SENP7: variants seen among roughly 807,000 people sequenced by gnomAD.
SENP7 encodes sentrin-specific protease 7.
A neutral mutation model predicts 141.2 loss-of-function variants in SENP7; 64 were observed. That is an observed-to-expected ratio of 0.45 (90% CI 0.37 to 0.56). The LOEUF is 0.56. Among genes scored for constraint, SENP7 ranks in the 20% least tolerant of loss-of-function variants. The pLI, the probability that SENP7 is intolerant of heterozygous loss-of-function variation, is 0.00. For missense variants in SENP7, 1,025 were observed against 1,212.2 expected, an observed-to-expected ratio of 0.85 and a Z score of 2.29; for synonymous variants, 382 against 426.4, an observed-to-expected ratio of 0.90 and a Z score of 1.28.
In SENP7 at chr3:101,393,606, A is replaced by C. The variant is rs141940913; in HGVS notation, c.677+5255T>G. Among the ~76,000 whole-genome samples, 48 of 152,326 alleles carry C rather than the reference A, an allele frequency of 3.2e-4. No individual in the cohort carries two copies. The East Asian group carries it at 4.8e-3, about 15-fold the overall frequency. ...TATGAAAAAATGCTCAACTTCACTA[A>C]TTAGGGAAATATAAATGTCTTAGTC... On this transcript the variant is annotated intron_variant, in intron 6 of 23. Coordinates refer to ENST00000394095, the MANE Select transcript of SENP7 (RefSeq NM_020654.5).
At chr3:101,486,868 A>G (rs1233688980) in intron 3 of SENP7, among the ~76,000 whole-genome samples, 1 of 152,184 alleles carries the variant, frequency 6.6e-6, no homozygotes, top group Non-Finnish European at 1.5e-5. Context: ...CTGCCTTCAG[A>G]AAACTCACCT....
chr3:101,373,715 T>G lies in SENP7; in HGVS notation c.678-1589A>C, dbSNP rs2060241935. On this transcript the variant is annotated intron_variant, in intron 6 of 23. Transcript: ENST00000394095. ...AAATGAGTATTTTCAAAAGGTAATG[T>G]CATATGATTCAAATGCACAACAGTG... Among the ~76,000 whole-genome samples, 3 of 152,208 alleles carry G rather than the reference T, an allele frequency of 2.0e-5. No individual in the cohort carries two copies. In the South Asian group the frequency reaches 6.2e-4, roughly 32 times the overall value.
chr3:101,497,849 C>A (rs1323710032), intron 2 of SENP7, among the ~76,000 whole-genome samples: 2 of 152,204 alleles, frequency 1.3e-5, no homozygotes, highest in Non-Finnish European at 2.9e-5. Flanking sequence ...GTTATCCAGG[C>A]TGGAATGCAG....
chr3:101,365,823 T>C (rs2060023846), intron 9 of SENP7, among the ~76,000 whole-genome samples: 1 of 152,096 alleles, frequency 6.6e-6, no homozygotes, highest in Non-Finnish European at 1.5e-5. Context: ...TACCCTTACC[T>C]TCTAAAGAAT....
chr3:101,383,337 G>A (rs940412663), intron 6 of SENP7, among the ~76,000 whole-genome samples: 18 of 152,320 alleles, frequency 1.2e-4, no homozygotes, highest in South Asian at 6.2e-4. Context: ...CAAAGAGGCC[G>A]GCTGCAGTGG....
At chr3:101,376,332 A>G (rs1438747113) in intron 6 of SENP7, among the ~76,000 whole-genome samples, 1 of 152,206 alleles carries the variant, frequency 6.6e-6, no homozygotes. Context: ...CTGTACACTT[A>G]AAAATGGTTA....
At chr3:101,494,327 T>C (rs1164100384) in intron 2 of SENP7, among the ~76,000 whole-genome samples, 2 of 152,222 alleles carry the variant, frequency 1.3e-5, no homozygotes, top group African/African-American at 4.8e-5. Context: ...TACTTACAGA[T>C]AAAACTCTTA....
At chr3:101,481,305 A>C (rs1433765087) in intron 3 of SENP7, among the ~76,000 whole-genome samples, 1 of 152,232 alleles carries the variant, frequency 6.6e-6, no homozygotes, top group Non-Finnish European at 1.5e-5. Flanking sequence ...TAATTTGGCC[A>C]TAAAAAAGAA....
chr3:101,448,282 G>T (rs2062972955), intron 4 of SENP7, among the ~76,000 whole-genome samples: 3 of 152,006 alleles, frequency 2.0e-5, no homozygotes, highest in Admixed American at 2.0e-4. Flanking sequence ...TGTTTCAAAG[G>T]ACACCATCAA....
chr3:101,438,811 G>A (rs1049952710), intron 4 of SENP7, among the ~76,000 whole-genome samples: 19 of 149,278 alleles, frequency 1.3e-4, no homozygotes, highest in Admixed American at 4.7e-4. Flanking sequence ...AATGAGTATC[G>A]GTCTTTGCCG....
intron 22 of SENP7, 89 bp downstream of exon 22, chr3:101,328,389 A>G (rs2058960451): frequency 1.2e-6 from 1 of 832,596 alleles, no homozygotes; most frequent in Admixed American, 2.1e-5. Context: ...ATAATTCCTG[A>G]TATAGTCTTT....
At chr3:101,477,868 T>C (rs1487439480) in intron 3 of SENP7, among the ~76,000 whole-genome samples, 5 of 143,276 alleles carry the variant, frequency 3.5e-5, no homozygotes, top group African/African-American at 1.0e-4. Flanking sequence ...AAAAAGTTAG[T>C]AGAGAAAAAA....
At chr3:101,362,491 AG>A (rs1392138805) in intron 10 of SENP7, among the ~76,000 whole-genome samples, 3 of 152,158 alleles carry the variant, frequency 2.0e-5, no homozygotes, top group African/African-American at 7.2e-5. Flanking sequence ...TTTTAGATTC[AG>A]GGGGCATATG....
At chr3:101,487,384 G>C (rs1233028534) in intron 3 of SENP7, among the ~76,000 whole-genome samples, 1 of 152,088 alleles carries the variant, frequency 6.6e-6, no homozygotes, top group Non-Finnish European at 1.5e-5. Flanking sequence ...CTTTGTCAGA[G>C]ACAATAGTTT....
chr3:101,351,360 C>T (rs894758215), intron 12 of SENP7, among the ~76,000 whole-genome samples: 8 of 151,628 alleles, frequency 5.3e-5, no homozygotes, highest in Non-Finnish European at 1.0e-4. Flanking sequence ...TTTATATATA[C>T]CAAAATATTG....
chr3:101,366,859 A>G, intron 8 of SENP7, 90 bp from the exon 9 acceptor site: 1 of 746,242 alleles, frequency 1.3e-6, no homozygotes, highest in Non-Finnish European at 2.1e-6. Flanking sequence ...TAAAAATATT[A>G]TATCACTTCT....
intron 7 of SENP7, among the ~76,000 whole-genome samples, chr3:101,368,821 C>T (rs1474542950): frequency 6.6e-6 from 1 of 152,032 alleles, no homozygotes; most frequent in Non-Finnish European, 1.5e-5. Flanking sequence ...TAAACTAAGT[C>T]TTTTAAAATG....
chr3:101,357,414 TG>T, intron 11 of SENP7: 1 of 828,530 alleles, frequency 1.2e-6, no homozygotes, highest in Non-Finnish European at 2.0e-6. Context: ...ATGACCTGTC[TG>T]GAACAAGGGA....
chr3:101,342,642 T>C (rs1559692184), intron 14 of SENP7, among the ~76,000 whole-genome samples: 1 of 152,008 alleles, frequency 6.6e-6, no homozygotes, highest in African/African-American at 2.4e-5. Context: ...CTACAATTCC[T>C]TAGTCTTTCC....
Sources: gnomAD v4.1 joint callset for allele counts (sites outside exome capture counted in the v4.1 genomes callset) on GRCh38, gnomAD v4.1.1 for gene constraint, MANE v1.5 for transcripts, NCBI Gene and HGNC (gene_info 2026-07-23, HGNC 2026-07-21) for gene names.